Variants in ANKRD9 observed in about 807,000 individuals in gnomAD.
ANKRD9 encodes the protein ankyrin repeat domain 9.
In ANKRD9, 13 loss-of-function variants were observed where a neutral mutation model predicts 19.2. The ratio of observed to expected loss-of-function variants is 0.68; its 90% CI spans 0.44 to 1.08. The LOEUF is 1.08. ANKRD9 is among the 50% of genes least tolerant of loss of function. The probability of loss-of-function intolerance (pLI) is 0.00; values close to 1 mark genes in which losing one functional copy is unlikely to be tolerated. For missense variants in ANKRD9, 518 were observed against 499.9 expected (o/e 1.04, Z -0.34); for synonymous variants, 278 against 256.8 (o/e 1.08, Z -0.79).
Position 102,507,685 on chromosome 14 carries a change from C to G in ANKRD9, c.205G>C (p.Ala69Pro). The G allele has an allele frequency of 6.4e-7, 1 of 1,552,642 alleles. No homozygotes were observed. The highest frequency in any genetic ancestry group is 1.2e-5 in the South Asian group (1 of 86,744). The part of the protein sequence containing the change: ...FHWDERGRAA[A>P]YSPSEALLYA... ...AGCAGCGCCTCAGAGGGCGAGTAGG[C>G]GGCGGCGCGCCCGCGCTCGTCCCAG... The change falls in exon 4 of 4, where the codon GCC (alanine) becomes CCC (proline). Residue 69 changes from alanine (A) to proline (P), a missense_variant. Physicochemically the swap from Ala to Pro is conservative, Grantham distance 27 (BLOSUM62 -1). Transcript: ENST00000286918. This position sits in a 1 kb window ranked among gnomAD's most constrained non-coding sequence, Gnocchi z 9.2.
rs1891567166 is a variant in ANKRD9, at chr14:102,505,634, G to A, written c.*1302C>T. On this transcript the variant is annotated 3_prime_UTR_variant, in exon 4 of 4. Transcript: ENST00000286918. ...GGAAAAACCTTGATGGGGAGACTGAGGGCCAAGGCAGAGGTTTGTCCAAGG... is the reference window on the plus strand; with the variant it reads ...GGAAAAACCTTGATGGGGAGACTGAAGGCCAAGGCAGAGGTTTGTCCAAGG... 6.6e-6 allele frequency: 1 copy of A among 152,292 alleles called. No individual in the cohort carries two copies. Among genetic ancestry groups the A allele is most frequent in the Admixed American group, 6.5e-5 (1 of 15,288 alleles). The allele number at this position is 152,292 out of a possible 1,614,324, so 9.4% of individuals were successfully genotyped here.
At position 102,507,722 on chromosome 14, in the gene ANKRD9, G is replaced by C; in HGVS notation, c.168C>G (p.Ser56Arg). ...PVWLLEDMRA[S>R]EAFHWDERGR... ...CGCGCTCGTCCCAGTGGAAGGCCTC[G>C]CTGGCGCGCATATCCTCCAGCAGCC... Residue 56 changes from serine (S) to arginine (R), a missense_variant, in exon 4 of 4, where the codon AGC becomes AGG. By Grantham distance (110) the Ser-to-Arg change is moderately radical. Transcript: ENST00000286918. This position sits in a 1 kb window ranked among gnomAD's most constrained non-coding sequence, Gnocchi z 9.2. The C allele has an allele frequency of 5.9e-6, 9 of 1,529,740 alleles. No homozygotes were observed. Among genetic ancestry groups the C allele is most frequent in the Non-Finnish European group, 7.9e-6 (9 of 1,142,934 alleles). 94.8% of individuals were successfully genotyped at this position (1,529,740 alleles called of 1,614,324 possible).
Position 102,507,665 on chromosome 14 carries a change from C to G in ANKRD9, c.225G>C (p.Ala75=). Residue 75 remains alanine (A), a synonymous_variant, in exon 4 of 4, where the codon GCG becomes GCC. Coordinates refer to ENST00000286918, the MANE Select transcript of ANKRD9 (RefSeq NM_152326.4). This position sits in a 1 kb window ranked among gnomAD's most constrained non-coding sequence, Gnocchi z 9.2. Reference sequence around the variant, plus strand: ...GGTCGTGCACGAGCGCGTAGAGCAGCGCCTCAGAGGGCGAGTAGGCGGCGG... The same window carrying G: ...GGTCGTGCACGAGCGCGTAGAGCAGGGCCTCAGAGGGCGAGTAGGCGGCGG... The part of the protein sequence containing the change: ...GRAAAYSPSE[A]LLYALVHDHQ... The G allele has an allele frequency of 6.4e-7, 1 of 1,554,068 alleles. No individual in the cohort carries two copies. The highest frequency in any genetic ancestry group is 1.1e-5 in the South Asian group (1 of 87,248).
In ANKRD9 at chr14:102,506,834, G is replaced by A. The variant is rs559020730; in HGVS notation, c.*102C>T. On this transcript the variant is annotated 3_prime_UTR_variant, in exon 4 of 4. Transcript: ENST00000286918. Reference sequence around the variant, plus strand: ...AGCCCCCAGTGCATGCGACAGATGAGGCAGAGATTGTGCCGTACAGAGATC... The same window carrying A: ...AGCCCCCAGTGCATGCGACAGATGAAGCAGAGATTGTGCCGTACAGAGATC... The A allele has an allele frequency of 4.7e-6, 6 of 1,273,368 alleles. No homozygotes were observed. The highest frequency in any genetic ancestry group is 2.6e-5 in the South Asian group (1 of 38,004). The allele number at this position is 1,273,368 out of a possible 1,614,324, so 78.9% of individuals were successfully genotyped here. A position where few individuals can be genotyped will look rare whatever the true frequency, so the allele number is the denominator to read the frequency against.
In ANKRD9 at chr14:102,507,720, T is replaced by C. The variant is rs749027999; in HGVS notation, c.170A>G (p.Glu57Gly). Reference sequence around the variant, plus strand: ...CCCGCGCTCGTCCCAGTGGAAGGCCTCGCTGGCGCGCATATCCTCCAGCAG... The same window carrying C: ...CCCGCGCTCGTCCCAGTGGAAGGCCCCGCTGGCGCGCATATCCTCCAGCAG... ...VWLLEDMRASEAFHWDERGRA... is the reference protein window; with the variant it reads ...VWLLEDMRASGAFHWDERGRA... Residue 57 changes from glutamate to glycine, a missense_variant, in exon 4 of 4, where the codon GAG becomes GGG. Transcript: ENST00000286918. The surrounding 1 kb of genome is among the most constrained non-coding windows in gnomAD (Gnocchi z 9.2). 4.4e-5 allele frequency: 66 copies of C among 1,510,732 alleles called. No individual in the cohort carries two copies. The highest frequency in any genetic ancestry group is 5.8e-5 in the Non-Finnish European group (66 of 1,131,494). 93.6% of individuals were successfully genotyped at this position (1,510,732 alleles called of 1,614,324 possible).
Position 102,507,374 on chromosome 14 carries a change from G to A in ANKRD9, c.516C>T (p.Pro172=). 1 of 1,331,020 alleles carries A rather than the reference G, an allele frequency of 7.5e-7. No individual in the cohort carries two copies. The highest frequency in any genetic ancestry group is 9.6e-7 in the Non-Finnish European group (1 of 1,039,014). The allele number at this position is 1,331,020 out of a possible 1,614,324, so 82.5% of individuals were successfully genotyped here. ...SLHVACELAR[P]ECLFLLLGHG... ...GGCCCAGCAGCAGGAAGAGGCACTC[G>A]GGGCGCGCCAGCTCACAGGCCACGT... The change falls in exon 4 of 4, where the codon CCC becomes CCT. Residue 172 remains proline (P), a synonymous_variant. Transcript: ENST00000286918. The surrounding 1 kb of genome is among the most constrained non-coding windows in gnomAD (Gnocchi z 9.2).
rs1356237284 is a variant in ANKRD9, at chr14:102,503,678, G to GT, written c.*3257dup. 6.6e-6 allele frequency: 1 copy of GT among 152,120 alleles called. No homozygotes were observed. Among genetic ancestry groups the GT allele is most frequent in the Non-Finnish European group, 1.5e-5 (1 of 68,026 alleles). 9.4% of individuals were successfully genotyped at this position (152,120 alleles called of 1,614,324 possible). The stretch of plus-strand genomic sequence containing the variant: ...CTTAAGTCTGTGCATTTTATTACAT[G>GT]TAAGTAACACCTCAATCTGAAAAGT... On this transcript the variant is annotated 3_prime_UTR_variant, in exon 4 of 4. Coordinates refer to ENST00000286918, the MANE Select transcript of ANKRD9 (RefSeq NM_152326.4).
In ANKRD9 at chr14:102,505,935, A is replaced by C. The variant is rs1012029495; in HGVS notation, c.*1001T>G. 6.6e-6 allele frequency: 1 copy of C among 152,156 alleles called. No homozygotes were observed. Among genetic ancestry groups the C allele is most frequent in the African/African-American group, 2.4e-5 (1 of 41,410 alleles). The allele number at this position is 152,156 out of a possible 1,614,324, so 9.4% of individuals were successfully genotyped here. On this transcript the variant is annotated 3_prime_UTR_variant, in exon 4 of 4. Coordinates refer to ENST00000286918, the MANE Select transcript of ANKRD9 (RefSeq NM_152326.4). ...AATTTGACGGCCCAGCAGAATTCCCAGGCAGGGCAGCCTGGCTATCCTCCC... is the reference window on the plus strand; with the variant it reads ...AATTTGACGGCCCAGCAGAATTCCCCGGCAGGGCAGCCTGGCTATCCTCCC...
Position 102,507,464 on chromosome 14 carries a change from C to G in ANKRD9, c.426G>C (p.Glu142Asp), listed in dbSNP as rs780854223. The G allele has an allele frequency of 5.0e-6, 7 of 1,398,994 alleles. 1 individual carries two copies. The South Asian group carries it at 6.7e-5, about 13-fold the overall frequency. The allele number at this position is 1,398,994 out of a possible 1,614,324, so 86.7% of individuals were successfully genotyped here. ...GCCGGTCCAGCACGCGCGCCCGCTC[C>G]TCGGCCGGGAAGTCGCGCAAGGTGC... The part of the protein sequence containing the change: ...ILRTLRDFPA[E>D]ERARVLDRRG... Residue 142 changes from glutamate (E) to aspartate (D), a missense_variant, in exon 4 of 4, where the codon GAG becomes GAC. Physicochemically the swap from Glu to Asp is conservative, Grantham distance 45 (BLOSUM62 2). Transcript: ENST00000286918. The surrounding 1 kb of genome is among the most constrained non-coding windows in gnomAD (Gnocchi z 9.2).
chr14:102,507,459 C>A lies in ANKRD9; in HGVS notation c.431G>T (p.Arg144Leu). 1.4e-6 allele frequency: 2 copies of A among 1,397,196 alleles called. No homozygotes were observed. The highest frequency in any genetic ancestry group is 3.5e-5 in the East Asian group (1 of 28,378). The allele number at this position is 1,397,196 out of a possible 1,614,324, so 86.5% of individuals were successfully genotyped here. Residue 144 changes from arginine (R) to leucine (L), a missense_variant, in exon 4 of 4, where the codon CGG becomes CTG. Transcript: ENST00000286918. The surrounding 1 kb of genome is among the most constrained non-coding windows in gnomAD (Gnocchi z 9.2). ...GCCACGCCGGTCCAGCACGCGCGCC[C>A]GCTCCTCGGCCGGGAAGTCGCGCAA... is the stretch of plus-strand genomic sequence containing the variant. ...RTLRDFPAEERARVLDRRGCS... is the reference protein window; with the variant it reads ...RTLRDFPAEELARVLDRRGCS...
rs1005363751 is a variant in ANKRD9, at chr14:102,502,766, G to A, written c.*4170C>T. ...CGTGCAGATGACGCACTCAGTCAGC[G>A]CCTTTACTTGTACGTGAGCGCTTAG... On this transcript the variant is annotated 3_prime_UTR_variant, in exon 4 of 4. Transcript: ENST00000286918. 2.0e-5 allele frequency: 3 copies of A among 152,188 alleles called. No homozygotes were observed. Among genetic ancestry groups the A allele is most frequent in the South Asian group, 2.1e-4 (1 of 4,832 alleles). The allele number at this position is 152,188 out of a possible 1,614,324, so 9.4% of individuals were successfully genotyped here.
At position 102,504,020 on chromosome 14, in the gene ANKRD9, A is replaced by C. The variant is rs1279928185; in HGVS notation, c.*2916T>G. ...AGGCGCCAGGCCTTGGTCCCTGCCCACCTCACCCAGGCCAGCCAGACAGCA... is the reference window on the plus strand; with the variant it reads ...AGGCGCCAGGCCTTGGTCCCTGCCCCCCTCACCCAGGCCAGCCAGACAGCA... On this transcript the variant is annotated 3_prime_UTR_variant, in exon 4 of 4. Transcript: ENST00000286918. 1.3e-5 allele frequency: 2 copies of C among 152,370 alleles called. No individual in the cohort carries two copies. Among genetic ancestry groups the C allele is most frequent in the African/African-American group, 4.8e-5 (2 of 41,464 alleles). The allele number at this position is 152,370 out of a possible 1,614,324, so 9.4% of individuals were successfully genotyped here. A position where few individuals can be genotyped will look rare whatever the true frequency, so the allele number is the denominator to read the frequency against.
Position 102,507,248 on chromosome 14 carries a change from G to C in ANKRD9, c.642C>G (p.Ala214=), listed in dbSNP as rs1891627735. The stretch of plus-strand genomic sequence containing the variant: ...CCCCGGGAGCTGAGGCGGGGGCTCC[G>C]GCGGCGGAGGGAGTGGCCCCGGCGT... ...GRDAGATPSA[A]GAPASAPGEP... is the part of the protein sequence containing the mutation. Residue 214 remains alanine, a synonymous_variant, in exon 4 of 4, where the codon GCC becomes GCG. Transcript: ENST00000286918. The surrounding 1 kb of genome is among the most constrained non-coding windows in gnomAD (Gnocchi z 9.2). 1 of 1,231,034 alleles carries C rather than the reference G, an allele frequency of 8.1e-7. No homozygotes were observed. Among genetic ancestry groups the C allele is most frequent in the Non-Finnish European group, 1.0e-6 (1 of 985,798 alleles). The allele number at this position is 1,231,034 out of a possible 1,614,324, so 76.3% of individuals were successfully genotyped here. A position where few individuals can be genotyped will look rare whatever the true frequency, so the allele number is the denominator to read the frequency against.
At position 102,506,704 on chromosome 14, in the gene ANKRD9, A is replaced by G; in HGVS notation, c.*232T>C. 1 of 466,600 alleles carries G rather than the reference A, an allele frequency of 2.1e-6. No homozygotes were observed. Among genetic ancestry groups the G allele is most frequent in the Non-Finnish European group, 3.5e-6 (1 of 289,240 alleles). 28.9% of individuals were successfully genotyped at this position (466,600 alleles called of 1,614,324 possible). ...GTCCGAGGCTCTAGATCAAGGTGGG[A>G]GGTTAGTCCTCACTCCCTTCAGGGG... On this transcript the variant is annotated 3_prime_UTR_variant, in exon 4 of 4. Coordinates refer to ENST00000286918, the MANE Select transcript of ANKRD9 (RefSeq NM_152326.4).
rs1276968149 is a variant in ANKRD9, at chr14:102,507,595, C to A, written c.295G>T (p.Ala99Ser). The change falls in exon 4 of 4, where the codon GCG becomes TCG. Residue 99 changes from alanine (A) to serine (S), a missense_variant. Physicochemically the swap from Ala to Ser is moderately conservative, Grantham distance 99 (BLOSUM62 1). Coordinates refer to ENST00000286918, the MANE Select transcript of ANKRD9 (RefSeq NM_152326.4). The surrounding 1 kb of genome is among the most constrained non-coding windows in gnomAD (Gnocchi z 9.2). The part of the protein sequence containing the change: ...HYLLATFPRR[A>S]LAPPSAGFRC... ...AAGCCGGCACTGGGCGGTGCGAGCGCGCGCCGCGGGAACGTGGCCAGCAGG... is the reference window on the plus strand; with the variant it reads ...AAGCCGGCACTGGGCGGTGCGAGCGAGCGCCGCGGGAACGTGGCCAGCAGG... 6.9e-7 allele frequency: 1 copy of A among 1,454,314 alleles called. No homozygotes were observed. The highest frequency in any genetic ancestry group is 9.1e-7 in the Non-Finnish European group (1 of 1,103,064). 90.1% of individuals were successfully genotyped at this position (1,454,314 alleles called of 1,614,324 possible). A position where few individuals can be genotyped will look rare whatever the true frequency, so the allele number is the denominator to read the frequency against.
chr14:102,507,829 C>T lies in ANKRD9; in HGVS notation c.61G>A (p.Ala21Thr). ...TGCTTCTGCGCTCGCGAGCGCGCCG[C>T]GCCCGAGGCCTCGGGCCCGCCGTCC... ...GADGGPEASG[A>T]ARSRAQKQCR... Residue 21 changes from alanine (A) to threonine (T), a missense_variant, in exon 4 of 4, where the codon GCG becomes ACG. Transcript: ENST00000286918. This position sits in a 1 kb window ranked among gnomAD's most constrained non-coding sequence, Gnocchi z 9.2. 1 of 1,353,434 alleles carries T rather than the reference C, an allele frequency of 7.4e-7. No homozygotes were observed. The allele number at this position is 1,353,434 out of a possible 1,614,324, so 83.8% of individuals were successfully genotyped here. A position where few individuals can be genotyped will look rare whatever the true frequency, so the allele number is the denominator to read the frequency against.
rs1891550283 is a variant in ANKRD9, at chr14:102,505,097, T to C, written c.*1839A>G. 2 of 152,726 alleles carry C rather than the reference T, an allele frequency of 1.3e-5. No individual in the cohort carries two copies. The highest frequency in any genetic ancestry group is 1.9e-4 in the East Asian group (1 of 5,196). The allele number at this position is 152,726 out of a possible 1,614,324, so 9.5% of individuals were successfully genotyped here. A position where few individuals can be genotyped will look rare whatever the true frequency, so the allele number is the denominator to read the frequency against. On this transcript the variant is annotated 3_prime_UTR_variant, in exon 4 of 4. Coordinates refer to ENST00000286918, the MANE Select transcript of ANKRD9 (RefSeq NM_152326.4). ...CTCTGGCATTGTGGAGGCTGACCTATAGAGAACAGAGCTGGAGCTGGGGAG... is the reference window on the plus strand; with the variant it reads ...CTCTGGCATTGTGGAGGCTGACCTACAGAGAACAGAGCTGGAGCTGGGGAG...
chr14:102,503,725 G>A lies in ANKRD9; in HGVS notation c.*3211C>T, dbSNP rs553232488. On this transcript the variant is annotated 3_prime_UTR_variant, in exon 4 of 4. Coordinates refer to ENST00000286918, the MANE Select transcript of ANKRD9 (RefSeq NM_152326.4). ...AAGTATCAGGGCAACACCACACACT[G>A]CAGAGGGGCAGGGCTCCTCCGGCAG... The A allele has an allele frequency of 6.6e-6, 1 of 152,324 alleles. No homozygotes were observed. Among genetic ancestry groups the A allele is most frequent in the African/African-American group, 2.4e-5 (1 of 41,560 alleles). 9.4% of individuals were successfully genotyped at this position (152,324 alleles called of 1,614,324 possible).
Position 102,507,085 on chromosome 14 carries a change from A to C in ANKRD9, c.805T>G (p.Trp269Gly), listed in dbSNP as rs774606148. The part of the protein sequence containing the change: ...QRLLGEDKFQ[W>G]LAGLAPPSLF... ...GAGGGCGGCGCCAGGCCCGCCAGCCACTGGAACTTGTCCTCACCCAGCAGC... is the reference window on the plus strand; with the variant it reads ...GAGGGCGGCGCCAGGCCCGCCAGCCCCTGGAACTTGTCCTCACCCAGCAGC... Residue 269 changes from tryptophan (W) to glycine (G), a missense_variant, in exon 4 of 4, where the codon TGG becomes GGG. Transcript: ENST00000286918. The surrounding 1 kb of genome is among the most constrained non-coding windows in gnomAD (Gnocchi z 9.2). The C allele has an allele frequency of 1.3e-6, 2 of 1,550,788 alleles. No homozygotes were observed. The highest frequency in any genetic ancestry group is 4.9e-5 in the East Asian group (2 of 41,092).
Sources: gnomAD v4.1 joint callset for allele counts on GRCh38, gnomAD v4.1.1 for gene constraint, Gnocchi (gnomAD v3.1) non-coding constraint, MANE v1.5 for transcripts, NCBI Gene and HGNC (gene_info 2026-07-23, HGNC 2026-07-21) for gene names.